KRT86: variants seen among roughly 807,000 people sequenced by gnomAD.
The protein encoded by KRT86 is keratin 86, also known as keratin, type II cuticular Hb6.
In KRT86, 30 loss-of-function variants were observed where a neutral mutation model predicts 41.2. That is an observed-to-expected ratio of 0.73 (90% CI 0.54 to 0.99). KRT86 has a LOEUF of 0.99. Among genes scored for constraint, KRT86 ranks in the 50% least tolerant of loss-of-function variants. The pLI is 0.00. For missense variants in KRT86, 561 were observed against 571.4 expected (o/e 0.98, Z 0.19); for synonymous variants, 238 against 238.1 (o/e 1.00, Z 0.00).
intron 2 of KRT86, chr12:52,291,051 G>A (rs1249207500): frequency 1.2e-5 from 6 of 499,538 alleles, no homozygotes; most frequent in South Asian, 6.3e-5. Flanking sequence ...GGCCCTGGCT[G>A]TGTAGGTGGT....
chr12:52,308,738 C>A lies in KRT86; in HGVS notation c.*153C>A. The A allele has an allele frequency of 1.4e-6, 1 of 708,382 alleles. No individual in the cohort carries two copies. Among genetic ancestry groups the A allele is most frequent in the Non-Finnish European group, 2.3e-6 (1 of 431,768 alleles). The allele number at this position is 708,382 out of a possible 1,614,324, so 43.9% of individuals were successfully genotyped here. ...CTCCCCACCGCTCCGCTCCGGGAGC[C>A]ATCCCCGGTCGCAGGAGTCCGGGGA... On this transcript the variant is annotated 3_prime_UTR_variant, in exon 11 of 11. Coordinates refer to ENST00000423955, the MANE Select transcript of KRT86 (RefSeq NM_001320198.2).
At chr12:52,281,020 AGGT>A (rs1937760785) in intron 2 of KRT86, among the ~76,000 whole-genome samples, 1 of 152,212 alleles carries the variant, frequency 6.6e-6, no homozygotes, top group African/African-American at 2.4e-5. Context: ...CTTTGGGGTC[AGGT>A]TTGAGTTTCT....
At position 52,286,399 on chromosome 12, in the gene KRT86, G is replaced by C. The variant is rs750725979; in HGVS notation, c.-5+10453G>C. 3 of 1,554,860 alleles carry C rather than the reference G, an allele frequency of 1.9e-6. No homozygotes were observed. The South Asian group carries it at 3.6e-5, about 18-fold the overall frequency. ...GGCCGGTGCTCACCGCCACGTTCCC[G>C]TTGCACGGAGCGCTGCAGACACTGC... On this transcript the variant is annotated intron_variant, in intron 2 of 10. Coordinates refer to ENST00000423955, the MANE Select transcript of KRT86 (RefSeq NM_001320198.2).
chr12:52,288,946 G>A (rs1287065627), intron 2 of KRT86, among the ~76,000 whole-genome samples: 35 of 143,958 alleles, frequency 2.4e-4, no homozygotes, highest in Middle Eastern at 3.5e-3. Flanking sequence ...CTCAGCAATA[G>A]ACCACAACCT....
intron 2 of KRT86, among the ~76,000 whole-genome samples, chr12:52,296,620 C>A (rs1003117010): frequency 3.3e-5 from 5 of 151,950 alleles, no homozygotes; most frequent in Non-Finnish European, 5.9e-5. Flanking sequence ...AATTGGCCAG[C>A]GTCCTGGGCT....
At chr12:52,301,263 G>A (rs3809171) in intron 2 of KRT86, among the ~76,000 whole-genome samples, 36,928 of 151,586 alleles carry the variant, frequency 0.24, 4,570 homozygotes, top group South Asian at 0.33. Flanking sequence ...GAGAGAGAGA[G>A]AAAAAAACAT....
chr12:52,288,470 G>A (rs1938036591), intron 2 of KRT86: 3 of 1,613,946 alleles, frequency 1.9e-6, no homozygotes, highest in South Asian at 1.1e-5. Context: ...GAAAGGTGGG[G>A]AGTGTTGGAG....
rs746956490 is a variant in KRT86, at chr12:52,308,395, C to G, written c.1280-9C>G. The G allele has an allele frequency of 3.1e-5, 50 of 1,611,134 alleles. No homozygotes were observed. Among genetic ancestry groups the G allele is most frequent in the Non-Finnish European group, 4.1e-5 (48 of 1,179,332 alleles). On this transcript the variant is annotated splice_polypyrimidine_tract_variant and intron_variant, in intron 10 of 10. Coordinates refer to ENST00000423955, the MANE Select transcript of KRT86 (RefSeq NM_001320198.2). ...GCCTGACGCGCGCCTCCGTCTCTTT[C>G]CCCTGCAGGCGTCAGCAGCTCCCGC...
intron 2 of KRT86, among the ~76,000 whole-genome samples, chr12:52,297,335 G>A (rs1938273806): frequency 6.6e-6 from 1 of 152,192 alleles, no homozygotes; most frequent in African/African-American, 2.4e-5. Context: ...TGCTCTACCA[G>A]ACTGGGAGCT....
intron 2 of KRT86, among the ~76,000 whole-genome samples, chr12:52,299,418 C>T (rs1938321328): frequency 6.6e-6 from 1 of 152,174 alleles, no homozygotes; most frequent in African/African-American, 2.4e-5. Flanking sequence ...GGAGTGCAGA[C>T]ATCTCTTTGA....
In KRT86 at chr12:52,308,535, GC is replaced by G. The variant is rs1938571659; in HGVS notation, c.1416del (p.Ser473ProfsTer47). On this transcript the variant is annotated frameshift_variant, in exon 11 of 11. Transcript: ENST00000423955. LOFTEE classifies it high-confidence loss of function. ...GGTGGTGGGCACTACTAACGCCTGCGCCCCCTCCGCCCGGGTTGGCGTCTGC... is the reference window on the plus strand; with the variant it reads ...GGTGGTGGGCACTACTAACGCCTGCGCCCCTCCGCCCGGGTTGGCGTCTGC... Reference protein sequence around the residue: ...NVVVGTTNACAPSARVGVCGG... With the variant: ...NVVVGTTNACXPSARVGVCGG... 3 of 1,601,824 alleles carry G rather than the reference GC, an allele frequency of 1.9e-6. No homozygotes were observed. The highest frequency in any genetic ancestry group is 2.5e-6 in the Non-Finnish European group (3 of 1,179,830).
At chr12:52,286,505 G>T (rs766055986) in intron 2 of KRT86, 2 of 1,551,414 alleles carry the variant, frequency 1.3e-6, no homozygotes, top group Non-Finnish European at 1.7e-6. Context: ...TGTGAACCCC[G>T]AAGGCTGAGT....
chr12:52,293,402 T>C (rs1228821894), intron 2 of KRT86, among the ~76,000 whole-genome samples: 1 of 152,206 alleles, frequency 6.6e-6, no homozygotes, highest in African/African-American at 2.4e-5. Context: ...TTCTCACTTA[T>C]AAGCTGTGAC....
chr12:52,283,581 C>G (rs1937834467), intron 2 of KRT86, among the ~76,000 whole-genome samples: 1 of 142,140 alleles, frequency 7.0e-6, no homozygotes, highest in African/African-American at 2.7e-5. Flanking sequence ...CAGGCTCAAG[C>G]AATTCTCCTG....
At chr12:52,306,647 T>TGGCCCC in intron 9 of KRT86, 2 of 399,160 alleles carry the variant, frequency 5.0e-6, no homozygotes, top group South Asian at 2.5e-5. Flanking sequence ...AGTCTGGCCC[T>TGGCCCC]GGCCCCATCT....
rs144028073 is a variant in KRT86, at chr12:52,305,695, C to T, written c.933C>T (p.His311=). ...CEEMKATVIR[H]GETLRRTKEE... The stretch of plus-strand genomic sequence containing the variant: ...AGATGAAGGCCACGGTGATCAGGCA[C>T]GGGGAGACCCTGCGCCGCACCAAGG... The change falls in exon 8 of 11, where the codon CAC becomes CAT. Residue 311 remains histidine (H), a synonymous_variant. Transcript: ENST00000423955. 4.1e-4 allele frequency: 669 copies of T among 1,614,092 alleles called. 2 individuals carry two copies. The African/African-American group carries it at 7.8e-3, about 19-fold the overall frequency.
At chr12:52,291,079 G>A (rs917237261) in intron 2 of KRT86, 1 of 583,626 alleles carries the variant, frequency 1.7e-6, no homozygotes. Context: ...CAGGAAGGGT[G>A]TGATCCAGGA....
chr12:52,295,360 G>T (rs1789006934), intron 2 of KRT86, among the ~76,000 whole-genome samples: 1 of 152,174 alleles, frequency 6.6e-6, no homozygotes, highest in South Asian at 2.1e-4. Context: ...TAAGGCTCAG[G>T]TTGCATGTTA....
chr12:52,285,669 A>T (rs1937902180), intron 2 of KRT86, among the ~76,000 whole-genome samples: 1 of 152,214 alleles, frequency 6.6e-6, no homozygotes, highest in South Asian at 2.1e-4. Context: ...TGCCCCAATT[A>T]TTGAGTGCCT....
Sources: allele counts gnomAD v4.1 joint callset (sites outside exome capture counted in the v4.1 genomes callset), GRCh38; gene constraint gnomAD v4.1.1; transcripts MANE v1.5; gene names NCBI Gene and HGNC (gene_info 2026-07-23, HGNC 2026-07-21).